GANC: variants seen among roughly 807,000 people sequenced by gnomAD.
GANC encodes glucosidase alpha, neutral C.
Under a neutral mutation model 124.2 loss-of-function variants are expected in GANC, and 117 were observed. The ratio of observed to expected loss-of-function variants is 0.94; its 90% CI spans 0.81 to 1.10. The LOEUF (loss-of-function observed/expected upper bound fraction) is 1.10. Ranked by LOEUF, GANC falls within the 50% of genes least tolerant of loss-of-function variation. The pLI is 0.00. For missense variants in GANC, 1,140 were observed against 1,095.0 expected (o/e 1.04, Z -0.58); for synonymous variants, 377 against 376.8 (o/e 1.00, Z -0.01).
intron 10 of GANC, among the ~76,000 whole-genome samples, chr15:42,315,279 A>G (rs748488459): frequency 2.5e-4 from 38 of 152,230 alleles, no homozygotes; most frequent in Non-Finnish European, 4.0e-4. Flanking sequence ...ATAAATCTTT[A>G]CCAAATTCTT....
intron 1 of GANC, among the ~76,000 whole-genome samples, chr15:42,275,316 G>T (rs1237737735): frequency 1.3e-5 from 2 of 152,300 alleles, no homozygotes; most frequent in Admixed American, 6.5e-5. Context: ...GGCAGTTGCA[G>T]CAAGCCAAGA....
At chr15:42,316,783 A>G (rs2052108379) in intron 10 of GANC, among the ~76,000 whole-genome samples, 1 of 152,120 alleles carries the variant, frequency 6.6e-6, no homozygotes, top group African/African-American at 2.4e-5. Flanking sequence ...CTGCTAATTA[A>G]CGGGGCCTTC....
intron 22 of GANC, among the ~76,000 whole-genome samples, chr15:42,350,271 C>A (rs2052415987): frequency 1.3e-5 from 2 of 152,048 alleles, no homozygotes; most frequent in Non-Finnish European, 2.9e-5. Context: ...CTCAGGTGAT[C>A]TGCCCACTTC....
chr15:42,309,085 A>G (rs2052025860), intron 8 of GANC, among the ~76,000 whole-genome samples: 4 of 152,204 alleles, frequency 2.6e-5, no homozygotes, highest in Admixed American at 1.3e-4. Flanking sequence ...ATATCATGTC[A>G]GGCTAACACT....
chr15:42,327,303 A>G, intron 12 of GANC, 60 bp from the exon 13 acceptor site: 1 of 1,257,040 alleles, frequency 8.0e-7, no homozygotes, highest in Non-Finnish European at 1.1e-6. Flanking sequence ...CTTCTTTACA[A>G]TGCATCCTAC....
intron 3 of GANC, among the ~76,000 whole-genome samples, chr15:42,286,247 C>G (rs950869924): frequency 1.3e-5 from 2 of 152,148 alleles, no homozygotes; most frequent in African/African-American, 4.8e-5. Context: ...CATTAATAAC[C>G]CTTCTTAATC....
At position 42,274,502 on chromosome 15, in the gene GANC, G is replaced by C; in HGVS notation, c.21G>C (p.Glu7Asp). 6.2e-7 allele frequency: 1 copy of C among 1,610,152 alleles called. No homozygotes were observed. Among genetic ancestry groups the C allele is most frequent in the Admixed American group, 1.7e-5 (1 of 59,514 alleles). Residue 7 changes from glutamate (E) to aspartate (D), a missense_variant, in exon 1 of 24, where the codon GAG becomes GAC. Coordinates refer to ENST00000318010, the MANE Select transcript of GANC (RefSeq NM_198141.3). ...AAGCCATGGAAGCAGCAGTGAAAGA[G>C]GAAATAAGGTAAAGGCCAAGTGCTT... MEAAVKEEISLEDEAVD... is the reference protein window; with the variant it reads MEAAVKDEISLEDEAVD...
At chr15:42,315,075 T>G (rs1381019057) in intron 10 of GANC, among the ~76,000 whole-genome samples, 3 of 152,230 alleles carry the variant, frequency 2.0e-5, no homozygotes, top group Non-Finnish European at 4.4e-5. Context: ...CTTTTCCTCT[T>G]TATCACTCTG....
chr15:42,347,383 G>T (rs2052375194), intron 20 of GANC, among the ~76,000 whole-genome samples: 1 of 152,108 alleles, frequency 6.6e-6, no homozygotes, highest in Non-Finnish European at 1.5e-5. Flanking sequence ...GCCCTTCTCT[G>T]ACACAGGCAG....
intron 4 of GANC, among the ~76,000 whole-genome samples, chr15:42,290,840 A>G (rs1199648921): frequency 1.3e-5 from 2 of 152,148 alleles, no homozygotes; most frequent in African/African-American, 2.4e-5. Context: ...TAAAAATTGA[A>G]TAACAATATT....
Position 42,310,415 on chromosome 15 carries a change from G to C in GANC, c.855G>C (p.Leu285=). The C allele has an allele frequency of 6.2e-7, 1 of 1,613,574 alleles. No individual in the cohort carries two copies. The highest frequency in any genetic ancestry group is 8.5e-7 in the Non-Finnish European group (1 of 1,179,726). Residue 285 remains leucine, a synonymous_variant, in exon 9 of 24, where the codon CTG becomes CTC. Coordinates refer to ENST00000318010, the MANE Select transcript of GANC (RefSeq NM_198141.3). The part of the protein sequence containing the change: ...KLGRTIGIFW[L]NASETLVEIN... ...GCAGAACTATAGGTATTTTCTGGCT[G>C]AATGCCTCGGAAACACTGGTGGAGA...
chr15:42,321,995 A>G lies in GANC; in HGVS notation c.1268A>G (p.Glu423Gly), dbSNP rs1266612727. 6.2e-7 allele frequency: 1 copy of G among 1,613,448 alleles called. No homozygotes were observed. ...NRFPNPKRMQ[E>G]LLRSKKRKLV... ...TTCCCAAACCCCAAGAGGATGCAAG[A>G]GCTGCTCAGGAGCAAAAAGCGTAAG... is the stretch of plus-strand genomic sequence containing the variant. The change falls in exon 11 of 24, where the codon GAG becomes GGG. Residue 423 changes from glutamate to glycine, a missense_variant. Glu to Gly is a moderately conservative substitution (Grantham distance 98). Coordinates refer to ENST00000318010, the MANE Select transcript of GANC (RefSeq NM_198141.3).
chr15:42,295,639 GACACACACACACACACACAC>G lies in GANC; in HGVS notation c.513-1942_513-1923del, dbSNP rs60220273. Among the ~76,000 whole-genome samples, 1,200 of 137,720 alleles carry G rather than the reference GACACACACACACACACACAC, an allele frequency of 8.7e-3. 10 individuals carry two copies. The highest frequency in any genetic ancestry group is 0.038 in the Middle Eastern group (11 of 286). The allele number at this position is 137,720 out of a possible 152,430, so 90.3% of individuals were successfully genotyped here. Reference sequence around the variant, plus strand: ...CAAGAAGAAAAAAAGCTTTATTATAGACACACACACACACACACACACACACACACACACACACACACACA... The same window carrying G: ...CAAGAAGAAAAAAAGCTTTATTATAGACACACACACACACACACACACACA... On this transcript the variant is annotated intron_variant, in intron 5 of 23. Transcript: ENST00000318010.
chr15:42,325,596 G>A (rs1033913011), intron 11 of GANC, among the ~76,000 whole-genome samples: 6 of 152,078 alleles, frequency 3.9e-5, no homozygotes, highest in East Asian at 1.9e-4. Flanking sequence ...TTATCTGAGC[G>A]TCTAAATGTC....
At chr15:42,299,363 G>A (rs191727718) in intron 6 of GANC, among the ~76,000 whole-genome samples, 5 of 152,228 alleles carry the variant, frequency 3.3e-5, no homozygotes, top group African/African-American at 9.6e-5. Context: ...GATGGATTAC[G>A]TTTATTGATT....
chr15:42,346,396 G>T (rs1421969383), intron 20 of GANC, among the ~76,000 whole-genome samples: 1 of 152,072 alleles, frequency 6.6e-6, no homozygotes, highest in Non-Finnish European at 1.5e-5. Context: ...ACTGGTCCAG[G>T]GTTTCTTTTT....
chr15:42,273,778 G>A lies in GANC; in HGVS notation c.-704G>A. 4.6e-6 allele frequency: 1 copy of A among 217,868 alleles called. No homozygotes were observed. Among genetic ancestry groups the A allele is most frequent in the South Asian group, 7.2e-5 (1 of 13,872 alleles). The allele number at this position is 217,868 out of a possible 1,614,324, so 13.5% of individuals were successfully genotyped here. A position where few individuals can be genotyped will look rare whatever the true frequency, so the allele number is the denominator to read the frequency against. On this transcript the variant is annotated 5_prime_UTR_variant, in exon 1 of 24. Transcript: ENST00000318010. The stretch of plus-strand genomic sequence containing the variant: ...TTCTAAGTCAATGTCAGACTTTGGG[G>A]CCAGAAAGTCTGGAAAAGCCCTAAG...
intron 3 of GANC, among the ~76,000 whole-genome samples, chr15:42,280,582 A>G (rs1471588706): frequency 6.6e-6 from 1 of 152,178 alleles, no homozygotes. Context: ...ACCAGATGTC[A>G]AGAACCTTTC....
At chr15:42,305,116 T>C (rs1384351741) in intron 6 of GANC, among the ~76,000 whole-genome samples, 1 of 152,198 alleles carries the variant, frequency 6.6e-6, no homozygotes, top group Non-Finnish European at 1.5e-5. Context: ...AAATGGGATC[T>C]GATTAAACTG....
Sources: allele counts gnomAD v4.1 joint callset (sites outside exome capture counted in the v4.1 genomes callset), GRCh38; gene constraint gnomAD v4.1.1; transcripts MANE v1.5; gene names NCBI Gene and HGNC (gene_info 2026-07-23, HGNC 2026-07-21).